The following GLS2 variants were observed in gnomAD, a reference collection of about 807,000 sequenced individuals.
GLS2 encodes glutaminase liver isoform, mitochondrial.
In GLS2, 52 loss-of-function variants were observed where a neutral mutation model predicts 79.0. The ratio of observed to expected loss-of-function variants is 0.66; its 90% CI spans 0.53 to 0.83. GLS2 has a LOEUF of 0.83. GLS2 is among the 40% of genes least tolerant of loss of function. The pLI is 0.00. For missense variants in GLS2, 561 were observed against 764.8 expected (o/e 0.73, Z 3.14); for synonymous variants, 238 against 280.8 (o/e 0.85, Z 1.52).
At chr12:56,474,212 C>T (rs1259513557) in intron 12 of GLS2, 1 of 317,212 alleles carries the variant, frequency 3.2e-6, no homozygotes, top group Non-Finnish European at 6.0e-6. Flanking sequence ...GCCTCAGCCT[C>T]CCAAGTAGCT....
intron 1 of GLS2, among the ~76,000 whole-genome samples, chr12:56,483,462 T>A (rs1592282720): frequency 1.3e-5 from 2 of 152,312 alleles, no homozygotes; most frequent in Admixed American, 1.3e-4. Flanking sequence ...TATATTCATA[T>A]AATGCAATAT....
intron 14 of GLS2, 59 bp from the exon 15 acceptor site, chr12:56,472,810 C>T: frequency 6.9e-7 from 1 of 1,438,906 alleles, no homozygotes; most frequent in Non-Finnish European, 9.8e-7. Context: ...CAGCTGTGCC[C>T]TGTGACCCTC....
Position 56,475,089 on chromosome 12 carries a change from T to G in GLS2, c.951A>C (p.Thr317=). Residue 317 remains threonine, a synonymous_variant, in exon 10 of 18, where the codon ACA becomes ACC. Transcript: ENST00000311966. ...SNATFQSEKE[T]GDRNYAIGYY... is the part of the protein sequence containing the mutation. Reference sequence around the variant, plus strand: ...AGCCGATGGCATAATTCCGATCCCCTGTTTCCTTCTCTGACTGGAATCTGA... The same window carrying G: ...AGCCGATGGCATAATTCCGATCCCCGGTTTCCTTCTCTGACTGGAATCTGA... 1.9e-6 allele frequency: 3 copies of G among 1,614,092 alleles called. No individual in the cohort carries two copies. Among genetic ancestry groups the G allele is most frequent in the South Asian group, 2.2e-5 (2 of 91,084 alleles).
At chr12:56,483,870 TTTC>T (rs886586093) in intron 1 of GLS2, among the ~76,000 whole-genome samples, 4 of 152,192 alleles carry the variant, frequency 2.6e-5, no homozygotes, top group East Asian at 1.9e-4. Flanking sequence ...TTTTCTTTTT[TTTC>T]TTATATCAGT....
At chr12:56,477,456 G>T in intron 7 of GLS2, 2 of 527,674 alleles carry the variant, frequency 3.8e-6, no homozygotes, top group East Asian at 3.1e-5. Flanking sequence ...AGTACTGAGT[G>T]GGGATGACGG....
In GLS2 at chr12:56,471,682, G is replaced by A. The variant is rs781019810; in HGVS notation, c.1653-39C>T. The A allele has an allele frequency of 5.0e-6, 8 of 1,612,728 alleles. No individual in the cohort carries two copies. In the South Asian group the frequency reaches 5.5e-5, roughly 11 times the overall value. On this transcript the variant is annotated intron_variant, in intron 17 of 17. Transcript: ENST00000311966. ...TGATATGATCAGGCAAAGGAGACGT[G>A]GAGAGTGGTGGTTGTATATATTTGC... is the stretch of plus-strand genomic sequence containing the variant.
chr12:56,479,626 T>C (rs1870124739), intron 3 of GLS2, 154 bp downstream of exon 3: 1 of 874,716 alleles, frequency 1.1e-6, no homozygotes, highest in Non-Finnish European at 1.6e-6. Flanking sequence ...TTGTTTGAAC[T>C]CTTATGATGA....
intron 4 of GLS2, chr12:56,478,791 G>A (rs867232338): frequency 2.8e-5 from 10 of 354,592 alleles, no homozygotes; most frequent in African/African-American, 1.3e-4. Flanking sequence ...TCAGGAGTTC[G>A]AGACCAGCCT....
At chr12:56,473,375 T>C in intron 13 of GLS2, 55 bp from the exon 14 acceptor site, 1 of 1,604,878 alleles carries the variant, frequency 6.2e-7, no homozygotes, top group Non-Finnish European at 8.5e-7. Flanking sequence ...TAGTAGGAGC[T>C]CAAAATTGCT....
intron 1 of GLS2, among the ~76,000 whole-genome samples, chr12:56,485,700 T>C (rs1870625307): frequency 6.6e-6 from 1 of 152,170 alleles, no homozygotes; most frequent in Non-Finnish European, 1.5e-5. Flanking sequence ...ATTTATCATT[T>C]CTTTGTGTTG....
intron 1 of GLS2, among the ~76,000 whole-genome samples, chr12:56,484,026 C>G (rs917042742): frequency 2.0e-5 from 3 of 152,066 alleles, no homozygotes; most frequent in African/African-American, 7.2e-5. Context: ...AATCCCAGCA[C>G]TTTGGGAGCC....
intron 9 of GLS2, chr12:56,475,353 G>T: frequency 9.2e-7 from 1 of 1,081,754 alleles, no homozygotes; most frequent in Non-Finnish European, 1.3e-6. Flanking sequence ...GAAAACTGGT[G>T]AAGTTTTTGG....
At chr12:56,473,415 A>C in intron 13 of GLS2, 48 bp downstream of exon 13, 1 of 1,604,050 alleles carries the variant, frequency 6.2e-7, no homozygotes, top group Non-Finnish European at 8.5e-7. Context: ...ACCATTAAAC[A>C]AATTTATTGC....
chr12:56,475,169 GA>G, intron 9 of GLS2, 59 bp from the exon 10 acceptor site: 1 of 1,610,370 alleles, frequency 6.2e-7, no homozygotes, highest in South Asian at 1.1e-5. Context: ...GGGAGAAGGG[GA>G]AAAATTACCT....
chr12:56,474,109 T>TTTA, intron 12 of GLS2: 1 of 169,290 alleles, frequency 5.9e-6, no homozygotes, highest in Non-Finnish European at 1.3e-5. Context: ...TCTTTTTTTT[T>TTTA]GAGATGGAGT....
chr12:56,478,520 C>T, intron 4 of GLS2: 1 of 476,228 alleles, frequency 2.1e-6, no homozygotes, highest in Non-Finnish European at 3.8e-6. Flanking sequence ...AGGCAACCTT[C>T]CCCTTTTGGT....
intron 3 of GLS2, chr12:56,479,576 G>T (rs567084782): frequency 9.0e-5 from 50 of 558,100 alleles, no homozygotes; most frequent in African/African-American, 8.9e-4. Context: ...AAGAGGACAG[G>T]GATTGAGTAG....
Position 56,478,200 on chromosome 12 carries a change from GCACAGGGAGACACCC to G in GLS2, c.582_596del (p.Trp194_Leu198del). ...CATCTCACCGTTGACCATCCACAGT[GCACAGGGAGACACCC>G]CACAGGTCTGGGTTTGACTTGGCCA... On this transcript the variant is annotated inframe_deletion, in exon 5 of 18. Transcript: ENST00000311966. The G allele has an allele frequency of 6.2e-7, 1 of 1,614,226 alleles. No homozygotes were observed. Among genetic ancestry groups the G allele is most frequent in the Non-Finnish European group, 8.5e-7 (1 of 1,180,034 alleles).
chr12:56,473,753 C>CCTG, intron 12 of GLS2, 159 bp from the exon 13 acceptor site: 1 of 782,118 alleles, frequency 1.3e-6, no homozygotes, highest in East Asian at 2.9e-5. Context: ...TACTCCTGTC[C>CCTG]TTTCCTTCCC....
Sources: gnomAD v4.1 joint callset for allele counts (sites outside exome capture counted in the v4.1 genomes callset) on GRCh38, gnomAD v4.1.1 for gene constraint, MANE v1.5 for transcripts, NCBI Gene and HGNC (gene_info 2026-07-23, HGNC 2026-07-21) for gene names.